Variants in UBASH3B observed in about 807,000 individuals in gnomAD.
UBASH3B encodes ubiquitin-associated and SH3 domain-containing protein B.
A neutral mutation model predicts 83.4 loss-of-function variants in UBASH3B; 37 were observed. The ratio of observed to expected loss-of-function variants is 0.44; its 90% CI spans 0.34 to 0.58. The LOEUF (loss-of-function observed/expected upper bound fraction) is 0.58. Among genes scored for constraint, UBASH3B ranks in the 20% least tolerant of loss-of-function variants. UBASH3B has a pLI of 0.01. For missense variants in UBASH3B, 657 were observed against 827.2 expected (o/e 0.79, Z 2.52); for synonymous variants, 304 against 318.3 (o/e 0.96, Z 0.48).
At chr11:122,672,720 C>T (rs981370931) in intron 1 of UBASH3B, among the ~76,000 whole-genome samples, 4 of 152,176 alleles carry the variant, frequency 2.6e-5, no homozygotes, top group Admixed American at 6.5e-5. Context: ...CATTGGCCCA[C>T]GTACAGATGC....
chr11:122,716,272 A>G (rs574238582), intron 1 of UBASH3B, among the ~76,000 whole-genome samples: 37 of 152,320 alleles, frequency 2.4e-4, no homozygotes, highest in Non-Finnish European at 4.9e-4. Flanking sequence ...TCCTGAGCTC[A>G]TGTGGTCCTT....
chr11:122,681,623 T>G (rs1196626732), intron 1 of UBASH3B, among the ~76,000 whole-genome samples: 1 of 152,068 alleles, frequency 6.6e-6, no homozygotes, highest in Non-Finnish European at 1.5e-5. Flanking sequence ...TCTTCCACCA[T>G]GACACTGGGA....
At chr11:122,726,994 C>T (rs767015195) in intron 1 of UBASH3B, among the ~76,000 whole-genome samples, 1 of 152,218 alleles carries the variant, frequency 6.6e-6, no homozygotes, top group South Asian at 2.1e-4. Flanking sequence ...CTCTTGTCCA[C>T]GGGTCCCAGG....
chr11:122,748,270 G>T (rs181206121), intron 1 of UBASH3B, among the ~76,000 whole-genome samples: 6 of 152,338 alleles, frequency 3.9e-5, no homozygotes, highest in African/African-American at 1.4e-4. Flanking sequence ...AGTAGCAGCT[G>T]CCATCTTTCT....
chr11:122,791,517 C>G (rs937779269), intron 6 of UBASH3B, among the ~76,000 whole-genome samples: 1 of 152,204 alleles, frequency 6.6e-6, no homozygotes, highest in Non-Finnish European at 1.5e-5. Flanking sequence ...CCAGTCCTCA[C>G]TTAGTGCTCA....
chr11:122,687,800 G>A (rs1863827463), intron 1 of UBASH3B, among the ~76,000 whole-genome samples: 1 of 152,004 alleles, frequency 6.6e-6, no homozygotes, highest in South Asian at 2.1e-4. Flanking sequence ...TCTTCCTGGT[G>A]CTCCCGTGTC....
intron 9 of UBASH3B, 104 bp downstream of exon 9, chr11:122,797,137 T>A: frequency 7.0e-7 from 1 of 1,433,824 alleles, no homozygotes; most frequent in Non-Finnish European, 9.4e-7. Context: ...TCTATAACTT[T>A]CCTACAAGTT....
chr11:122,662,055 G>A (rs1279523821), intron 1 of UBASH3B, among the ~76,000 whole-genome samples: 1 of 151,850 alleles, frequency 6.6e-6, no homozygotes, highest in African/African-American at 2.4e-5. Flanking sequence ...CTACAGGTAT[G>A]TGCCATCATG....
chr11:122,752,348 A>G (rs1861212587), intron 1 of UBASH3B, among the ~76,000 whole-genome samples: 1 of 152,244 alleles, frequency 6.6e-6, no homozygotes, highest in South Asian at 2.1e-4. Context: ...AGAACATGTT[A>G]TAATGTGCGA....
At chr11:122,778,101 G>C (rs1178495345) in intron 3 of UBASH3B, among the ~76,000 whole-genome samples, 1 of 151,884 alleles carries the variant, frequency 6.6e-6, no homozygotes, top group Admixed American at 6.6e-5. Context: ...GCTCTCTGTG[G>C]TAATAGAGAA....
chr11:122,775,970 A>T (rs1175113037), intron 1 of UBASH3B: 3 of 416,996 alleles, frequency 7.2e-6, no homozygotes, highest in Non-Finnish European at 1.3e-5. Flanking sequence ...ACTGCTGAAA[A>T]TAGACTGCCT....
At chr11:122,790,830 A>G (rs1055284712) in intron 6 of UBASH3B, among the ~76,000 whole-genome samples, 7 of 152,140 alleles carry the variant, frequency 4.6e-5, no homozygotes, top group Non-Finnish European at 1.0e-4. Flanking sequence ...ATACACCTGT[A>G]GTCCCAGCTA....
Position 122,811,377 on chromosome 11 carries a change from G to A in UBASH3B, c.*1491G>A, listed in dbSNP as rs1350623382. On this transcript the variant is annotated 3_prime_UTR_variant, in exon 14 of 14. Coordinates refer to ENST00000284273, the MANE Select transcript of UBASH3B (RefSeq NM_032873.5). ...AAAACTCAGATGCATAAAACGTAAGGTATATAAAAATACATCTATGCTTGC... is the reference window on the plus strand; with the variant it reads ...AAAACTCAGATGCATAAAACGTAAGATATATAAAAATACATCTATGCTTGC... 1 of 152,246 alleles carries A rather than the reference G, an allele frequency of 6.6e-6. No individual in the cohort carries two copies. The highest frequency in any genetic ancestry group is 2.4e-5 in the African/African-American group (1 of 41,424). 9.4% of individuals were successfully genotyped at this position (152,246 alleles called of 1,614,324 possible).
intron 1 of UBASH3B, among the ~76,000 whole-genome samples, chr11:122,733,803 AT>A (rs1860886079): frequency 6.6e-6 from 1 of 152,226 alleles, no homozygotes; most frequent in Non-Finnish European, 1.5e-5. Flanking sequence ...ATCTTAGAGG[AT>A]GACAGTTGAC....
chr11:122,710,984 T>G (rs1864183707), intron 1 of UBASH3B, among the ~76,000 whole-genome samples: 1 of 152,206 alleles, frequency 6.6e-6, no homozygotes, highest in Non-Finnish European at 1.5e-5. Flanking sequence ...GAAACATTGG[T>G]CTTGACTCTT....
chr11:122,808,802 GAA>G (rs896666234), intron 13 of UBASH3B, among the ~76,000 whole-genome samples: 2 of 152,034 alleles, frequency 1.3e-5, no homozygotes, highest in Non-Finnish European at 2.9e-5. Context: ...TCACATTTTT[GAA>G]AAGTTTATTT....
chr11:122,702,055 C>T (rs777332813), intron 1 of UBASH3B, among the ~76,000 whole-genome samples: 2 of 152,138 alleles, frequency 1.3e-5, no homozygotes, highest in African/African-American at 2.4e-5. Context: ...CCAGTGAAGA[C>T]GACCGTTTCT....
chr11:122,743,983 C>A (rs1474766811), intron 1 of UBASH3B, among the ~76,000 whole-genome samples: 2 of 152,204 alleles, frequency 1.3e-5, no homozygotes, highest in East Asian at 3.9e-4. Flanking sequence ...CCTTTCCCAC[C>A]AGAGCTGGTG....
At chr11:122,790,773 C>T (rs1459631230) in intron 6 of UBASH3B, among the ~76,000 whole-genome samples, 2 of 151,700 alleles carry the variant, frequency 1.3e-5, no homozygotes, top group South Asian at 2.1e-4. Context: ...ATGGTGAAAC[C>T]GCGTCTCTAC....
Sources: gnomAD v4.1 joint callset for allele counts (sites outside exome capture counted in the v4.1 genomes callset) on GRCh38, gnomAD v4.1.1 for gene constraint, MANE v1.5 for transcripts, NCBI Gene and HGNC (gene_info 2026-07-23, HGNC 2026-07-21) for gene names.